Variants in SIPA1L1 observed in about 807,000 individuals in gnomAD.
The protein encoded by SIPA1L1 is signal-induced proliferation-associated 1-like protein 1.
In SIPA1L1, 26 loss-of-function variants were observed where a neutral mutation model predicts 162.7. That is an observed-to-expected ratio of 0.16 (90% confidence interval 0.12 to 0.22). The LOEUF (loss-of-function observed/expected upper bound fraction) is 0.22. Among genes scored for constraint, SIPA1L1 ranks in the 10% least tolerant of loss-of-function variants. The pLI is 1.00. For missense variants in SIPA1L1, 1,874 were observed against 2,241.0 expected (o/e 0.84, Z 3.31); for synonymous variants, 829 against 837.4 (o/e 0.99, Z 0.17).
intron 3 of SIPA1L1, among the ~76,000 whole-genome samples, chr14:71,522,309 T>TATG (rs1214482383): frequency 6.6e-6 from 1 of 152,208 alleles, no homozygotes; most frequent in African/African-American, 2.4e-5. Flanking sequence ...GTATTGATTT[T>TATG]TCACTTGCTT....
At chr14:71,379,634 T>C (rs2039717343) in intron 2 of SIPA1L1, 1 of 152,272 alleles carries the variant, frequency 6.6e-6, no homozygotes, top group Admixed American at 6.5e-5. Flanking sequence ...GTTGTTAACC[T>C]GATCTTTAAA....
intron 4 of SIPA1L1, among the ~76,000 whole-genome samples, chr14:71,557,935 A>G (rs2056478597): frequency 6.6e-6 from 1 of 152,212 alleles, no homozygotes; most frequent in Non-Finnish European, 1.5e-5. Context: ...GCTAACTTAC[A>G]TCGTAGGTAA....
At chr14:71,422,090 CGTCTTTCAGT>C (rs1265310117) in intron 2 of SIPA1L1, among the ~76,000 whole-genome samples, 7 of 152,136 alleles carry the variant, frequency 4.6e-5, no homozygotes, top group Non-Finnish European at 8.8e-5. Flanking sequence ...TATATGAGGA[CGTCTTTCAGT>C]TATTGCCAAA....
At chr14:71,663,071 A>G (rs762025165) in intron 10 of SIPA1L1, among the ~76,000 whole-genome samples, 1 of 152,236 alleles carries the variant, frequency 6.6e-6, no homozygotes. Context: ...GTACCGTCCA[A>G]TGGGACTATA....
chr14:71,665,872 T>C (rs984022011), intron 10 of SIPA1L1, among the ~76,000 whole-genome samples: 2 of 152,190 alleles, frequency 1.3e-5, no homozygotes, highest in Non-Finnish European at 2.9e-5. Context: ...ATAACAGTTA[T>C]AACAATATAC....
rs1216553586 is a variant in SIPA1L1 at position 71,377,913 on chromosome 14, C to T, written c.-465+56732C>T. 1.3e-5 allele frequency among the ~76,000 whole-genome samples: 2 copies of T among 152,132 alleles called. No homozygotes were observed. The highest frequency in any genetic ancestry group is 2.4e-5 in the African/African-American group (1 of 41,428). The stretch of plus-strand genomic sequence containing the variant: ...ATCAGGCAGGGAGGTTGCAGTGAGC[C>T]GAGATCGCAGCAGTACAGTCCAGCC... On this transcript the variant is annotated intron_variant, in intron 2 of 23. Transcript: ENST00000381232. This position sits in a 1 kb window ranked among gnomAD's most constrained non-coding sequence, Gnocchi z 4.8.
intron 7 of SIPA1L1, among the ~76,000 whole-genome samples, chr14:71,646,337 C>T (rs545532843): frequency 5.3e-5 from 8 of 152,058 alleles, no homozygotes; most frequent in Non-Finnish European, 7.4e-5. Context: ...CCACCACGCC[C>T]GGCTAATTTT....
In SIPA1L1 at chr14:71,523,424, A is replaced by G. The variant is rs78813115; in HGVS notation, c.-361-5888A>G. Among the ~76,000 whole-genome samples the G allele has an allele frequency of 8.1e-4, 123 of 152,118 alleles. 1 individual carries two copies. In the East Asian group the frequency reaches 0.016, roughly 20 times the overall value. On this transcript the variant is annotated intron_variant, in intron 3 of 23. Transcript: ENST00000381232. ...AAGTTAGATATGTCAAGCAACTTCC[A>G]TCTACCCTTTGCCCACCTTTCCCAA...
At chr14:71,726,369 A>G (rs762615144) in intron 19 of SIPA1L1, among the ~76,000 whole-genome samples, 56 of 152,246 alleles carry the variant, frequency 3.7e-4, no homozygotes, top group Non-Finnish European at 5.4e-4. Flanking sequence ...TTCAAGTACC[A>G]GTTCAAAATA....
At chr14:71,344,408 A>T (rs927830854) in intron 2 of SIPA1L1, among the ~76,000 whole-genome samples, 2 of 152,222 alleles carry the variant, frequency 1.3e-5, no homozygotes, top group Non-Finnish European at 2.9e-5. Context: ...TAGATTTAGG[A>T]TCAATGAGTG....
chr14:71,452,461 A>G (rs2045900785), intron 2 of SIPA1L1, among the ~76,000 whole-genome samples: 1 of 152,086 alleles, frequency 6.6e-6, no homozygotes, highest in South Asian at 2.1e-4. Context: ...TGACCATTTT[A>G]CTATTAATAC....
At chr14:71,671,053 T>C (rs2044469644) in intron 10 of SIPA1L1, 66 bp from the exon 11 acceptor site, 27 of 1,273,092 alleles carry the variant, frequency 2.1e-5, no homozygotes, top group East Asian at 7.0e-5. Context: ...TGAGAAAGTA[T>C]ATTTTATTCT....
At chr14:71,599,581 T>G (rs2036492638) in intron 5 of SIPA1L1, among the ~76,000 whole-genome samples, 1 of 152,166 alleles carries the variant, frequency 6.6e-6, no homozygotes, top group Non-Finnish European at 1.5e-5. Context: ...TTGCAAATAG[T>G]TTTGCAATAA....
At chr14:71,661,491 G>A in intron 10 of SIPA1L1, 24 bp downstream of exon 10, 2 of 1,601,886 alleles carry the variant, frequency 1.2e-6, no homozygotes, top group South Asian at 1.1e-5. Flanking sequence ...TCACAGCAGG[G>A]GCTCTGTGGA....
At chr14:71,472,838 T>C (rs142939575) in intron 2 of SIPA1L1, among the ~76,000 whole-genome samples, 3 of 71,958 alleles carry the variant, frequency 4.2e-5, no homozygotes, top group African/African-American at 1.5e-4. Context: ...GACTTTATTC[T>C]ATGAAAACTT....
At chr14:71,411,574 C>T (rs143606293) in intron 2 of SIPA1L1, among the ~76,000 whole-genome samples, 33 of 152,308 alleles carry the variant, frequency 2.2e-4, no homozygotes, top group South Asian at 1.5e-3. Context: ...TCTTCTACTC[C>T]GTTTCAGCTT....
chr14:71,380,637 A>T (rs1318530825), intron 2 of SIPA1L1, among the ~76,000 whole-genome samples: 1 of 152,204 alleles, frequency 6.6e-6, no homozygotes, highest in Non-Finnish European at 1.5e-5. Context: ...GGGTAGAAGA[A>T]ATCTAAAATC....
At chr14:71,349,570 A>G (rs943891804) in intron 2 of SIPA1L1, among the ~76,000 whole-genome samples, 1 of 152,238 alleles carries the variant, frequency 6.6e-6, no homozygotes, top group Non-Finnish European at 1.5e-5. Context: ...AAAGGAAACT[A>G]GAAAAAGTTT....
At chr14:71,608,779 C>T (rs2037836147) in intron 5 of SIPA1L1, among the ~76,000 whole-genome samples, 2 of 152,118 alleles carry the variant, frequency 1.3e-5, no homozygotes, top group South Asian at 4.2e-4. Flanking sequence ...CCTGTAATCC[C>T]AGCTACTTAG....
Sources: gnomAD v4.1 joint callset for allele counts (sites outside exome capture counted in the v4.1 genomes callset) on GRCh38, gnomAD v4.1.1 for gene constraint, Gnocchi (gnomAD v3.1) non-coding constraint, MANE v1.5 for transcripts, NCBI Gene and HGNC (gene_info 2026-07-23, HGNC 2026-07-21) for gene names.